EHBP1: variants seen among roughly 807,000 people sequenced by gnomAD.
EHBP1 encodes the protein EH domain binding protein 1, also known as EH domain-binding protein 1.
A neutral mutation model predicts 144.0 loss-of-function variants in EHBP1; 55 were observed. The observed-to-expected ratio is 0.38, with a 90% CI of 0.31 to 0.48. The LOEUF is 0.48. EHBP1 is among the 20% of genes least tolerant of loss of function. The pLI, the probability that EHBP1 is intolerant of heterozygous loss-of-function variation, is 0.98. For missense variants in EHBP1, 1,200 were observed against 1,364.2 expected, an observed-to-expected ratio of 0.88 and a Z score of 1.90; for synonymous variants, 469 against 472.7, an observed-to-expected ratio of 0.99 and a Z score of 0.10.
At chr2:62,746,380 ATG>A (rs1175552658) in intron 2 of EHBP1, among the ~76,000 whole-genome samples, 4 of 151,836 alleles carry the variant, frequency 2.6e-5, no homozygotes, top group Admixed American at 2.0e-4. Flanking sequence ...GAGGCCTCTT[ATG>A]TGTGTGTATA....
chr2:62,902,020 T>C (rs2053456411), intron 10 of EHBP1, among the ~76,000 whole-genome samples: 1 of 152,074 alleles, frequency 6.6e-6, no homozygotes. Context: ...AACATTATTA[T>C]AATTTTTAGC....
chr2:62,722,069 A>G (rs184605905), intron 2 of EHBP1, among the ~76,000 whole-genome samples: 8 of 152,140 alleles, frequency 5.3e-5, no homozygotes, highest in African/African-American at 1.9e-4. Flanking sequence ...ATTTAAGAGT[A>G]AGTTGTACCA....
chr2:62,769,496 A>T (rs553955654), intron 4 of EHBP1, among the ~76,000 whole-genome samples: 1 of 152,184 alleles, frequency 6.6e-6, no homozygotes, highest in Non-Finnish European at 1.5e-5. Context: ...ACACTGCTCA[A>T]AGAAATCAGA....
At chr2:62,816,996 G>A (rs1472251584) in intron 5 of EHBP1, among the ~76,000 whole-genome samples, 2 of 152,054 alleles carry the variant, frequency 1.3e-5, no homozygotes, top group Admixed American at 6.6e-5. Flanking sequence ...TCTTTTTCTC[G>A]TGTTTAGGAG....
chr2:62,728,912 A>G (rs1035249991), intron 2 of EHBP1, among the ~76,000 whole-genome samples: 8 of 151,982 alleles, frequency 5.3e-5, no homozygotes, highest in African/African-American at 7.2e-5. Flanking sequence ...GAGTAAGTCT[A>G]TAATCTATTT....
At chr2:62,850,265 C>A (rs764416781) in intron 7 of EHBP1, among the ~76,000 whole-genome samples, 1 of 152,170 alleles carries the variant, frequency 6.6e-6, no homozygotes, top group Non-Finnish European at 1.5e-5. Flanking sequence ...AACGAAGGTA[C>A]TGCAAGATTT....
intron 2 of EHBP1, among the ~76,000 whole-genome samples, chr2:62,734,319 C>CT (rs1298180881): frequency 1.4e-5 from 2 of 148,028 alleles, no homozygotes; most frequent in African/African-American, 2.5e-5. Context: ...ATATGGTTTC[C>CT]TTTTTTAAAA....
intron 15 of EHBP1, among the ~76,000 whole-genome samples, chr2:62,980,931 C>T (rs1469142489): frequency 1.3e-5 from 2 of 148,596 alleles, no homozygotes; most frequent in Non-Finnish European, 3.0e-5. Flanking sequence ...ATTAACCAGA[C>T]ATGGTGGCAC....
At chr2:62,840,844 G>C (rs1322741517) in intron 7 of EHBP1, among the ~76,000 whole-genome samples, 3 of 151,976 alleles carry the variant, frequency 2.0e-5, no homozygotes, top group South Asian at 2.1e-4. Context: ...GAAACAACAT[G>C]TGCTGGAGAG....
intron 5 of EHBP1, among the ~76,000 whole-genome samples, chr2:62,816,176 A>G (rs1308775143): frequency 6.6e-6 from 1 of 152,204 alleles, no homozygotes; most frequent in Non-Finnish European, 1.5e-5. Flanking sequence ...AACAGTCTGT[A>G]TTACACAGAT....
At chr2:62,780,540 G>T (rs1573312294) in intron 5 of EHBP1, among the ~76,000 whole-genome samples, 1 of 152,044 alleles carries the variant, frequency 6.6e-6, no homozygotes, top group Admixed American at 6.6e-5. Context: ...TTTTCAGATT[G>T]TGCTTCTAGA....
chr2:62,731,326 T>C (rs891162174), intron 2 of EHBP1, among the ~76,000 whole-genome samples: 2 of 152,180 alleles, frequency 1.3e-5, no homozygotes, highest in Admixed American at 1.3e-4. Context: ...TTTTTGGGAC[T>C]TTCTGCATAG....
At chr2:62,697,916 A>G (rs762657923) in intron 1 of EHBP1, among the ~76,000 whole-genome samples, 3 of 152,234 alleles carry the variant, frequency 2.0e-5, no homozygotes, top group Non-Finnish European at 2.9e-5. Flanking sequence ...ATAGCATACA[A>G]TGTTGAAGAC....
intron 8 of EHBP1, among the ~76,000 whole-genome samples, chr2:62,862,415 C>T (rs753419399): frequency 2.0e-5 from 3 of 152,080 alleles, no homozygotes; most frequent in Non-Finnish European, 4.4e-5. Context: ...TCAAGACCAG[C>T]CTGGCCAACA....
intron 15 of EHBP1, among the ~76,000 whole-genome samples, chr2:62,987,615 TAG>T (rs2059250969): frequency 6.6e-6 from 1 of 152,186 alleles, no homozygotes; most frequent in South Asian, 2.1e-4. Flanking sequence ...GTGCCATTGT[TAG>T]AGTTACTTAT....
intron 2 of EHBP1, among the ~76,000 whole-genome samples, chr2:62,745,825 T>C (rs2039098566): frequency 6.6e-6 from 1 of 152,060 alleles, no homozygotes; most frequent in Admixed American, 6.6e-5. Flanking sequence ...TAAGAACTTT[T>C]TAAAAGAGTT....
At chr2:62,768,764 A>C (rs1479169932) in intron 4 of EHBP1, among the ~76,000 whole-genome samples, 1 of 152,208 alleles carries the variant, frequency 6.6e-6, no homozygotes, top group Non-Finnish European at 1.5e-5. Context: ...AAGAATCCTC[A>C]GTAAAATACT....
chr2:62,710,294 A>G (rs2035018366), intron 2 of EHBP1, among the ~76,000 whole-genome samples: 1 of 152,004 alleles, frequency 6.6e-6, no homozygotes, highest in Non-Finnish European at 1.5e-5. Context: ...GCTCTCTAAT[A>G]TATGACATGA....
intron 4 of EHBP1, among the ~76,000 whole-genome samples, chr2:62,769,246 A>T (rs1465594372): frequency 6.6e-6 from 1 of 152,136 alleles, no homozygotes; most frequent in Non-Finnish European, 1.5e-5. Context: ...ACATGATCCT[A>T]ATCTAAAATA....
Sources: allele counts gnomAD v4.1 joint callset (sites outside exome capture counted in the v4.1 genomes callset), GRCh38; gene constraint gnomAD v4.1.1; transcripts MANE v1.5; gene names NCBI Gene and HGNC (gene_info 2026-07-23, HGNC 2026-07-21).